FBXL17: variants seen among roughly 807,000 people sequenced by gnomAD.
The protein encoded by FBXL17 is F-box/LRR-repeat protein 17.
FBXL17 carries 22 observed loss-of-function variants against 66.2 expected under a neutral mutation model. The ratio of observed to expected loss-of-function variants is 0.33; its 90% CI spans 0.24 to 0.47. FBXL17 has a LOEUF of 0.47. FBXL17 is among the 20% of genes least tolerant of loss of function. FBXL17 has a pLI of 1.00. For synonymous variants in FBXL17, 474 were observed against 400.5 expected (o/e 1.18, Z -2.19); for missense variants, 878 against 948.2 (o/e 0.93, Z 0.97).
At chr5:108,139,106 C>A (rs1029973266) in intron 6 of FBXL17, among the ~76,000 whole-genome samples, 1 of 152,088 alleles carries the variant, frequency 6.6e-6, no homozygotes, top group African/African-American at 2.4e-5. Flanking sequence ...AAAGTAGGCA[C>A]TGGAAGAATT....
chr5:108,041,064 A>T (rs1747027299), intron 6 of FBXL17, among the ~76,000 whole-genome samples: 1 of 152,172 alleles, frequency 6.6e-6, no homozygotes, highest in African/African-American at 2.4e-5. Context: ...GGAGATAATG[A>T]CTTCATGGGA....
At chr5:107,906,894 A>T (rs1035798826) in intron 7 of FBXL17, among the ~76,000 whole-genome samples, 1 of 152,210 alleles carries the variant, frequency 6.6e-6, no homozygotes, top group African/African-American at 2.4e-5. Flanking sequence ...CTGTTACATT[A>T]AACTTAATTT....
At chr5:107,940,202 C>T (rs1751045227) in intron 7 of FBXL17, among the ~76,000 whole-genome samples, 2 of 152,090 alleles carry the variant, frequency 1.3e-5, no homozygotes, top group African/African-American at 4.8e-5. Context: ...ACTCCGGAAC[C>T]TACCTACGGC....
intron 4 of FBXL17, among the ~76,000 whole-genome samples, chr5:108,270,102 A>G (rs1214512198): frequency 1.3e-5 from 2 of 152,140 alleles, no homozygotes; most frequent in African/African-American, 2.4e-5. Flanking sequence ...TAAAGATACT[A>G]AAGAAGTAAA....
In FBXL17 at chr5:107,886,116, C is replaced by G. The variant is rs532314611; in HGVS notation, c.1823-4937G>C. ...GATGTTGACTGTATAAGAGGAAAACCAAAAAGAACTGTAAGCAAACAAATA... is the reference window on the plus strand; with the variant it reads ...GATGTTGACTGTATAAGAGGAAAACGAAAAAGAACTGTAAGCAAACAAATA... On this transcript the variant is annotated intron_variant, in intron 7 of 8. Coordinates refer to ENST00000542267, the MANE Select transcript of FBXL17 (RefSeq NM_001163315.3). Among the ~76,000 whole-genome samples, 7 of 152,034 alleles carry G rather than the reference C, an allele frequency of 4.6e-5. No individual in the cohort carries two copies. The South Asian group carries it at 1.5e-3, about 32-fold the overall frequency.
At chr5:108,108,780 G>GTTTTTTTTTTTTTTTTTTTTTT (rs201883285) in intron 6 of FBXL17, among the ~76,000 whole-genome samples, 1 of 122,152 alleles carries the variant, frequency 8.2e-6, no homozygotes. Context: ...CTCACACTTT[G>GTTTTTTTTTTTTTTTTTTTTTT]TTTTTGTTTT....
intron 6 of FBXL17, among the ~76,000 whole-genome samples, chr5:108,049,518 T>C (rs531331526): frequency 2.6e-5 from 4 of 152,186 alleles, no homozygotes; most frequent in African/African-American, 7.2e-5. Context: ...AATAATATCC[T>C]TTCCAGACAA....
rs1749973502 is a variant in FBXL17, at chr5:108,381,772, C to G, written c.-81G>C. ...GGGCTCCCGGCAGCGGGGCAGGCCG[C>G]TCGCTGGCTCGGCCCCCGGAGGGGT... On this transcript the variant is annotated 5_prime_UTR_variant, in exon 1 of 9. Coordinates refer to ENST00000542267, the MANE Select transcript of FBXL17 (RefSeq NM_001163315.3). 2 of 1,366,340 alleles carry G rather than the reference C, an allele frequency of 1.5e-6. No homozygotes were observed. Among genetic ancestry groups the G allele is most frequent in the African/African-American group, 3.1e-5 (2 of 65,254 alleles). 84.6% of individuals were successfully genotyped at this position (1,366,340 alleles called of 1,614,324 possible).
At chr5:108,074,054 C>G (rs1448731559) in intron 6 of FBXL17, among the ~76,000 whole-genome samples, 1 of 152,210 alleles carries the variant, frequency 6.6e-6, no homozygotes, top group Admixed American at 6.5e-5. Context: ...CCACCATTAC[C>G]TGTTTTGGGC....
chr5:107,881,243 G>T, intron 7 of FBXL17, 64 bp from the exon 8 acceptor site: 1 of 940,088 alleles, frequency 1.1e-6, no homozygotes, highest in Non-Finnish European at 1.6e-6. Context: ...ATCTTATTAT[G>T]ACTATTCATC....
At chr5:108,248,745 A>T (rs749865825) in intron 4 of FBXL17, among the ~76,000 whole-genome samples, 49 of 152,154 alleles carry the variant, frequency 3.2e-4, no homozygotes, top group Non-Finnish European at 5.9e-4. Flanking sequence ...TTTGAATGAC[A>T]TCAGATTTCT....
intron 8 of FBXL17, among the ~76,000 whole-genome samples, chr5:107,863,848 C>G (rs923439043): frequency 6.6e-6 from 1 of 152,126 alleles, no homozygotes; most frequent in Non-Finnish European, 1.5e-5. Context: ...CCTAAGCAAC[C>G]CAACCCAGAA....
At chr5:108,186,381 T>A in intron 5 of FBXL17, 134 bp from the exon 6 acceptor site, 1 of 646,570 alleles carries the variant, frequency 1.5e-6, no homozygotes, top group Non-Finnish European at 2.5e-6. Flanking sequence ...ATCTTTTAAT[T>A]AAAGATATTG....
At chr5:108,083,054 G>A (rs144885745) in intron 6 of FBXL17, among the ~76,000 whole-genome samples, 1 of 152,110 alleles carries the variant, frequency 6.6e-6, no homozygotes, top group African/African-American at 2.4e-5. Context: ...TGACTGAAGA[G>A]GGGAAGATAT....
chr5:107,906,773 A>T (rs554350972), intron 7 of FBXL17, among the ~76,000 whole-genome samples: 1 of 152,350 alleles, frequency 6.6e-6, no homozygotes, highest in East Asian at 1.9e-4. Context: ...AACCAAAGAG[A>T]TTTAAAAGCA....
chr5:108,070,474 C>T (rs1235818210), intron 6 of FBXL17, among the ~76,000 whole-genome samples: 1 of 152,160 alleles, frequency 6.6e-6, no homozygotes, highest in East Asian at 1.9e-4. Context: ...TTTAAGTCCC[C>T]AACAGGGTTT....
Position 108,005,709 on chromosome 5 carries a change from A to G in FBXL17, c.1822+15216T>C, listed in dbSNP as rs896508115. Reference sequence around the variant, plus strand: ...AGCATCTGTCTGGTTTGAGAGAACTATAAATACCTGATAGGGACACCATTG... The same window carrying G: ...AGCATCTGTCTGGTTTGAGAGAACTGTAAATACCTGATAGGGACACCATTG... On this transcript the variant is annotated intron_variant, in intron 7 of 8. Transcript: ENST00000542267. Among the ~76,000 whole-genome samples the G allele has an allele frequency of 9.2e-5, 14 of 152,240 alleles. 1 individual carries two copies. Among genetic ancestry groups the G allele is most frequent in the African/African-American group, 2.4e-5 (1 of 41,468 alleles).
intron 6 of FBXL17, among the ~76,000 whole-genome samples, chr5:108,096,332 T>A (rs1331402198): frequency 6.6e-6 from 1 of 152,184 alleles, no homozygotes; most frequent in African/African-American, 2.4e-5. Context: ...GACATGAGCA[T>A]AACAGCTCTC....
chr5:108,251,857 T>G (rs1353919416), intron 4 of FBXL17, among the ~76,000 whole-genome samples: 1 of 152,134 alleles, frequency 6.6e-6, no homozygotes, highest in Non-Finnish European at 1.5e-5. Context: ...CATTCAATAT[T>G]ATGTGGCTGA....
Sources: allele counts gnomAD v4.1 joint callset (sites outside exome capture counted in the v4.1 genomes callset), GRCh38; gene constraint gnomAD v4.1.1; transcripts MANE v1.5; gene names NCBI Gene and HGNC (gene_info 2026-07-23, HGNC 2026-07-21).